Variants in TMEM164 observed in about 807,000 individuals in gnomAD.
TMEM164 encodes the protein transmembrane protein 164.
Under a neutral mutation model 18.8 loss-of-function variants are expected in TMEM164, and 4 were observed. The observed-to-expected ratio is 0.21, with a 90% CI of 0.10 to 0.49. The LOEUF is 0.49. Among genes scored for constraint, TMEM164 ranks in the 20% least tolerant of loss-of-function variants. The pLI, the probability that TMEM164 is intolerant of heterozygous loss-of-function variation, is 0.98. For missense variants in TMEM164, 108 were observed against 239.9 expected (o/e 0.45, Z 3.63); for synonymous variants, 86 against 101.7 (o/e 0.85, Z 0.93).
intron 3 of TMEM164, among the ~76,000 whole-genome samples, chrX:110,087,524 G>C (rs1490867808): frequency 9.0e-6 from 1 of 111,685 alleles, no homozygotes; most frequent in East Asian, 2.8e-4. Context: ...GCTTTGGGTT[G>C]TAATCAGACA....
intron 3 of TMEM164, among the ~76,000 whole-genome samples, chrX:110,106,362 C>T (rs1481575805): frequency 2.8e-5 from 3 of 108,423 alleles, no homozygotes; most frequent in East Asian, 2.8e-4. Flanking sequence ...AAGCCTGGCA[C>T]CAGAATCCAG....
intron 4 of TMEM164, among the ~76,000 whole-genome samples, chrX:110,111,139 T>C (rs1458502607): frequency 8.9e-6 from 1 of 112,512 alleles, no homozygotes; most frequent in African/African-American, 3.2e-5. Flanking sequence ...ACACAGGCAC[T>C]GTTGCCCTGC....
At chrX:110,002,734 G>T (rs1311301347), upstream of TMEM164, 1 of 111,047 alleles carries the variant, frequency 9.0e-6, no homozygotes, top group Non-Finnish European at 1.9e-5. Context: ...CGCGGGAGCG[G>T]AGCAGTAGCC....
chrX:110,051,827 A>G (rs970776829), intron 2 of TMEM164, among the ~76,000 whole-genome samples: 7 of 111,797 alleles, frequency 6.3e-5, no homozygotes, highest in Non-Finnish European at 1.3e-4. Flanking sequence ...GGTGGTTAGC[A>G]GAGTTAGGCA....
chrX:110,030,106 C>T (rs1393997894), intron 2 of TMEM164, among the ~76,000 whole-genome samples: 8 of 67,405 alleles, frequency 1.2e-4, no homozygotes, highest in Middle Eastern at 0.011. Context: ...TTTTCTCTGT[C>T]TGTTTTTTTT....
At chrX:110,116,900 TGA>T (rs199831939) in intron 4 of TMEM164, among the ~76,000 whole-genome samples, 107 of 102,604 alleles carry the variant, frequency 1.0e-3, no homozygotes, top group African/African-American at 3.8e-3. Context: ...TGTGTGTGTG[TGA>T]AGGGGGGCAG....
chrX:110,146,367 C>T (rs1416053680), intron 5 of TMEM164, among the ~76,000 whole-genome samples: 2 of 112,047 alleles, frequency 1.8e-5, no homozygotes, highest in African/African-American at 6.5e-5. Context: ...ACCAAGTAGC[C>T]ATCTTTCCTC....
intron 2 of TMEM164, among the ~76,000 whole-genome samples, chrX:110,028,745 G>T: frequency 9.0e-6 from 1 of 111,141 alleles, no homozygotes; most frequent in East Asian, 2.8e-4. Flanking sequence ...GATTTGTTTT[G>T]TGGCCCAGTA....
At chrX:110,036,538 G>A (rs891353848) in intron 2 of TMEM164, among the ~76,000 whole-genome samples, 2 of 112,429 alleles carry the variant, frequency 1.8e-5, no homozygotes, top group Admixed American at 9.4e-5. Context: ...GCCTATCAGA[G>A]CTATGTTGAA....
intron 4 of TMEM164, among the ~76,000 whole-genome samples, chrX:110,130,300 G>A (rs1450265095): frequency 2.7e-5 from 3 of 111,818 alleles, no homozygotes; most frequent in African/African-American, 6.5e-5. Context: ...ATAAGTCGGT[G>A]ATTAAGAACA....
At chrX:110,047,782 C>T (rs1163045415) in intron 2 of TMEM164, among the ~76,000 whole-genome samples, 1 of 111,926 alleles carries the variant, frequency 8.9e-6, no homozygotes, top group East Asian at 2.8e-4. Flanking sequence ...TTCCCAAGGA[C>T]ACAATATTCT....
chrX:110,018,441 G>T lies in TMEM164; in HGVS notation c.390+14277G>T, dbSNP rs139340793. 5.6e-3 allele frequency among the ~76,000 whole-genome samples: 632 copies of T among 111,997 alleles called. 7 individuals carry two copies. Among genetic ancestry groups the T allele is most frequent in the Non-Finnish European group, 7.8e-3 (414 of 53,195 alleles). On this transcript the variant is annotated intron_variant, in intron 2 of 6. Coordinates refer to ENST00000372068, the MANE Select transcript of TMEM164 (RefSeq NM_032227.4). Reference sequence around the variant, plus strand: ...TCTTATATAATAAGAAATAGAGTGTGGTAGTTAAAAGTGCAGGCTCTGGAG... The same window carrying T: ...TCTTATATAATAAGAAATAGAGTGTTGTAGTTAAAAGTGCAGGCTCTGGAG...
chrX:110,123,766 C>T (rs2066484458), intron 4 of TMEM164, among the ~76,000 whole-genome samples: 1 of 111,748 alleles, frequency 8.9e-6, no homozygotes, highest in Non-Finnish European at 1.9e-5. Context: ...TCACTTGAGC[C>T]GAAGTGTTGA....
chrX:110,139,545 G>A (rs2066739112), intron 4 of TMEM164, among the ~76,000 whole-genome samples: 2 of 112,052 alleles, frequency 1.8e-5, no homozygotes, highest in African/African-American at 6.5e-5. Context: ...CAGCATGAAA[G>A]TCTGGCACTA....
intron 4 of TMEM164, among the ~76,000 whole-genome samples, chrX:110,144,230 A>AT (rs1210746272): frequency 1.0e-4 from 11 of 110,092 alleles, no homozygotes; most frequent in Admixed American, 6.8e-4. Flanking sequence ...CCTAGCAATC[A>AT]TTTTTTTTTC....
At chrX:110,060,725 T>C (rs936116652) in intron 2 of TMEM164, among the ~76,000 whole-genome samples, 2 of 111,938 alleles carry the variant, frequency 1.8e-5, no homozygotes, top group African/African-American at 6.5e-5. Flanking sequence ...GGTAGTTCCT[T>C]AGTCTTTGCC....
chrX:110,060,266 G>GAAAAAA (rs140796343), intron 2 of TMEM164, among the ~76,000 whole-genome samples: 2 of 51,497 alleles, frequency 3.9e-5, no homozygotes, highest in African/African-American at 8.2e-5. Context: ...GACCCTGTCT[G>GAAAAAA]AAAAAAAAAA....
At chrX:110,128,346 T>C (rs2066564237) in intron 4 of TMEM164, among the ~76,000 whole-genome samples, 4 of 112,496 alleles carry the variant, frequency 3.6e-5, no homozygotes, top group African/African-American at 1.3e-4. Context: ...GGAAGGTTCA[T>C]TCATAATACA....
At chrX:110,091,321 A>C (rs759796243) in intron 3 of TMEM164, among the ~76,000 whole-genome samples, 9 of 112,104 alleles carry the variant, frequency 8.0e-5, no homozygotes, top group East Asian at 2.8e-4. Flanking sequence ...TACAGTCCCA[A>C]CAACAGTGTA....
Sources: allele counts gnomAD v4.1 joint callset (sites outside exome capture counted in the v4.1 genomes callset), GRCh38; gene constraint gnomAD v4.1.1; transcripts MANE v1.5; gene names NCBI Gene and HGNC (gene_info 2026-07-23, HGNC 2026-07-21).